The following STPG2 variants were observed in gnomAD, a reference collection of about 807,000 sequenced individuals.
STPG2 encodes sperm tail PG-rich repeat containing 2.
A neutral mutation model predicts 54.2 loss-of-function variants in STPG2; 56 were observed. The observed-to-expected ratio is 1.03, with a 90% CI of 0.83 to 1.29. STPG2 has a LOEUF of 1.29. Ranked by LOEUF, STPG2 falls within the 50% of genes most tolerant of loss-of-function variation. The pLI, the probability that STPG2 is intolerant of heterozygous loss-of-function variation, is 0.00. For synonymous variants in STPG2, 200 were observed against 181.8 expected, an observed-to-expected ratio of 1.10 and a Z score of -0.81; for missense variants, 596 against 544.9, an observed-to-expected ratio of 1.09 and a Z score of -0.93.
At chr4:98,012,555 CATG>C (rs1349941700) in intron 5 of STPG2, among the ~76,000 whole-genome samples, 2 of 152,154 alleles carry the variant, frequency 1.3e-5, no homozygotes, top group Non-Finnish European at 2.9e-5. Flanking sequence ...TGGCCATTTT[CATG>C]ATATTGATTC....
intron 3 of STPG2, among the ~76,000 whole-genome samples, chr4:98,126,040 G>A (rs574212419): frequency 6.6e-6 from 1 of 152,342 alleles, no homozygotes; most frequent in Admixed American, 6.5e-5. Flanking sequence ...AACTGTAGCT[G>A]CAGAGATGGC....
intron 5 of STPG2, among the ~76,000 whole-genome samples, chr4:98,024,854 T>A (rs1020274005): frequency 2.6e-5 from 4 of 152,222 alleles, no homozygotes; most frequent in African/African-American, 9.6e-5. Flanking sequence ...ATACTGTTTT[T>A]AAAAATAAAG....
intron 4 of STPG2, among the ~76,000 whole-genome samples, chr4:97,491,620 A>G (rs1035875693): frequency 1.3e-5 from 2 of 151,554 alleles, no homozygotes; most frequent in Non-Finnish European, 3.0e-5. Context: ...GCTTAGCATG[A>G]AAGCAAGAGT....
At chr4:97,543,547 TA>T (rs1318506337) in intron 4 of STPG2, among the ~76,000 whole-genome samples, 2 of 152,056 alleles carry the variant, frequency 1.3e-5, no homozygotes, top group Non-Finnish European at 2.9e-5. Context: ...GCCAAACAAT[TA>T]AACAAGCTTC....
intron 5 of STPG2, among the ~76,000 whole-genome samples, chr4:97,986,120 T>C (rs2149266213): frequency 1.3e-5 from 2 of 152,314 alleles, no homozygotes; most frequent in South Asian, 2.1e-4. Context: ...AAAATCATGT[T>C]AATTTTATCT....
At chr4:98,078,036 C>T (rs1413861960) in intron 5 of STPG2, among the ~76,000 whole-genome samples, 1 of 125,900 alleles carries the variant, frequency 7.9e-6, no homozygotes, top group Non-Finnish European at 1.8e-5. Context: ...CAAATATGAT[C>T]CTTAAAAAAA....
chr4:97,849,142 T>A (rs1452334089), intron 8 of STPG2, among the ~76,000 whole-genome samples: 1 of 149,892 alleles, frequency 6.7e-6, no homozygotes. Context: ...GCATGGAATG[T>A]TCTTCCATTT....
chr4:97,671,731 G>T (rs1215901859), intron 10 of STPG2, among the ~76,000 whole-genome samples: 1 of 152,102 alleles, frequency 6.6e-6, no homozygotes, highest in Non-Finnish European at 1.5e-5. Context: ...ACATGTACTT[G>T]AAAAAATTAC....
At chr4:98,079,008 A>C (rs1029288613) in intron 5 of STPG2, among the ~76,000 whole-genome samples, 10 of 152,260 alleles carry the variant, frequency 6.6e-5, no homozygotes, top group Admixed American at 3.3e-4. Flanking sequence ...CTTTCAATAT[A>C]CTACTAAATT....
intron 8 of STPG2, among the ~76,000 whole-genome samples, chr4:97,912,211 G>GA (rs1161371363): frequency 2.0e-5 from 3 of 151,934 alleles, no homozygotes; most frequent in Non-Finnish European, 4.4e-5. Context: ...AAAGATGAGG[G>GA]AAAAAAATCA....
intron 9 of STPG2, among the ~76,000 whole-genome samples, chr4:97,756,392 G>T (rs1268365331): frequency 6.6e-6 from 1 of 152,052 alleles, no homozygotes; most frequent in African/African-American, 2.4e-5. Context: ...CACAATCTTG[G>T]CTCACTGAAA....
intron 4 of STPG2, among the ~76,000 whole-genome samples, chr4:97,461,856 G>C (rs1220403389): frequency 6.6e-6 from 1 of 151,758 alleles, no homozygotes; most frequent in East Asian, 1.9e-4. Flanking sequence ...TTCATTTCTA[G>C]ATATCTATAA....
chr4:98,014,020 T>C (rs1735843975), intron 5 of STPG2, among the ~76,000 whole-genome samples: 7 of 152,080 alleles, frequency 4.6e-5, no homozygotes, highest in Admixed American at 4.6e-4. Flanking sequence ...AGCTTTTGGA[T>C]TTGTTTGCTC....
chr4:97,813,689 A>T (rs1306911970), intron 9 of STPG2, among the ~76,000 whole-genome samples: 202 of 101,226 alleles, frequency 2.0e-3, no homozygotes, highest in African/African-American at 8.1e-3. Context: ...AAAAAAAAAA[A>T]AAAAAAAAAA....
intron 9 of STPG2, among the ~76,000 whole-genome samples, chr4:97,840,180 A>T (rs1404864771): frequency 6.6e-6 from 1 of 151,570 alleles, no homozygotes; most frequent in African/African-American, 2.4e-5. Context: ...TTGAAAAAAA[A>T]TAAAAATAAT....
chr4:97,717,125 A>G (rs1724313932), intron 9 of STPG2, among the ~76,000 whole-genome samples: 2 of 152,268 alleles, frequency 1.3e-5, no homozygotes, highest in East Asian at 3.9e-4. Context: ...ATTTGATTAA[A>G]TGGCACTTCA....
In STPG2 at chr4:98,114,062, C is replaced by A. The variant is rs536563722; in HGVS notation, c.388-4757G>T. Among the ~76,000 whole-genome samples, 6 of 147,610 alleles carry A rather than the reference C, an allele frequency of 4.1e-5. No homozygotes were observed. In the East Asian group the frequency reaches 1.2e-3, roughly 29 times the overall value. ...GTAGTTGAAAACACTCCTCTCTCCT[C>A]TTCTTATAGGGTCAGTGGCAATTCC... is the stretch of plus-strand genomic sequence containing the variant. On this transcript the variant is annotated intron_variant, in intron 3 of 10. Coordinates refer to ENST00000295268, the MANE Select transcript of STPG2 (RefSeq NM_174952.3).
At chr4:97,634,231 C>A (rs1161551328) in intron 10 of STPG2, among the ~76,000 whole-genome samples, 1 of 152,128 alleles carries the variant, frequency 6.6e-6, no homozygotes, top group Non-Finnish European at 1.5e-5. Flanking sequence ...AGCAGGGGCA[C>A]ACTGACACCT....
intron 8 of STPG2, among the ~76,000 whole-genome samples, chr4:97,933,545 G>T (rs1010927771): frequency 6.6e-6 from 1 of 152,126 alleles, no homozygotes; most frequent in African/African-American, 2.4e-5. Context: ...TTTGTATAAG[G>T]TGTAAGGAAG....
Sources: allele counts gnomAD v4.1 joint callset (sites outside exome capture counted in the v4.1 genomes callset), GRCh38; gene constraint gnomAD v4.1.1; transcripts MANE v1.5; gene names NCBI Gene and HGNC (gene_info 2026-07-23, HGNC 2026-07-21).